The following NRXN3 variants were observed in gnomAD, a reference collection of about 807,000 sequenced individuals.
The protein encoded by NRXN3 is neurexin 3.
In NRXN3, 32 loss-of-function variants were observed where a neutral mutation model predicts 137.6. The ratio of observed to expected loss-of-function variants is 0.23; its 90% CI spans 0.18 to 0.31. The LOEUF (loss-of-function observed/expected upper bound fraction) is 0.31, where lower values mean the gene tolerates loss of function less well. Ranked by LOEUF, NRXN3 falls within the 10% of genes least tolerant of loss-of-function variation. The pLI, the probability that NRXN3 is intolerant of heterozygous loss-of-function variation, is 1.00. For synonymous variants in NRXN3, 798 were observed against 784.5 expected, an observed-to-expected ratio of 1.02 and a Z score of -0.29; for missense variants, 1,574 against 2,062.5, an observed-to-expected ratio of 0.76 and a Z score of 4.59.
At chr14:78,224,245 A>G (rs2064207070) in intron 1 of NRXN3, among the ~76,000 whole-genome samples, 1 of 151,336 alleles carries the variant, frequency 6.6e-6, no homozygotes, top group Non-Finnish European at 1.5e-5. Flanking sequence ...TTGATGAGAC[A>G]TTGTCATACC....
chr14:78,252,568 T>G (rs562360316), intron 2 of NRXN3, among the ~76,000 whole-genome samples: 1 of 152,232 alleles, frequency 6.6e-6, no homozygotes, highest in African/African-American at 2.4e-5. Flanking sequence ...CTGACACTTT[T>G]GCCTCTGATC....
chr14:79,090,166 G>T (rs2048889410), intron 15 of NRXN3, among the ~76,000 whole-genome samples: 5 of 152,126 alleles, frequency 3.3e-5, no homozygotes, highest in Admixed American at 3.3e-4. Context: ...CTAAGGGCTT[G>T]TCTTTCCTGG....
intron 15 of NRXN3, among the ~76,000 whole-genome samples, chr14:79,223,607 A>G (rs2070233549): frequency 1.3e-5 from 2 of 152,124 alleles, no homozygotes; most frequent in South Asian, 4.1e-4. Context: ...TACTCAAATG[A>G]ATGTGGTCTG....
chr14:78,917,564 G>C (rs2099258844), intron 10 of NRXN3, among the ~76,000 whole-genome samples: 1 of 152,184 alleles, frequency 6.6e-6, no homozygotes, highest in African/African-American at 2.4e-5. Context: ...TAGGTGTCAG[G>C]CATCTATAGC....
intron 19 of NRXN3, among the ~76,000 whole-genome samples, chr14:79,699,346 T>C (rs548991700): frequency 6.6e-6 from 1 of 152,182 alleles, no homozygotes; most frequent in Admixed American, 6.6e-5. Context: ...AGGATAGTTC[T>C]GTCTGCACAG....
chr14:78,892,011 G>T (rs1339609046), intron 10 of NRXN3, among the ~76,000 whole-genome samples: 1 of 151,928 alleles, frequency 6.6e-6, no homozygotes, highest in Non-Finnish European at 1.5e-5. Flanking sequence ...GCTCAGTCTT[G>T]TTCTGGTGGC....
chr14:79,111,491 C>G (rs931722033), intron 15 of NRXN3, among the ~76,000 whole-genome samples: 10 of 152,164 alleles, frequency 6.6e-5, no homozygotes, highest in Non-Finnish European at 1.3e-4. Context: ...GTAATCCCAG[C>G]ACCTTGGGAG....
chr14:78,815,479 C>CTATTTTTTTTTTTTTTTTTT (rs2098929309), intron 10 of NRXN3, among the ~76,000 whole-genome samples: 1 of 84,436 alleles, frequency 1.2e-5, no homozygotes, highest in African/African-American at 4.2e-5. Flanking sequence ...TTGTTTCTTT[C>CTATTTTTTTTTTTTTTTTTT]TTTTTTTTTT....
Position 78,481,332 on chromosome 14 carries a change from C to T in NRXN3, c.758-163788C>T, listed in dbSNP as rs80009372. On this transcript the variant is annotated intron_variant, in intron 4 of 20. Coordinates refer to ENST00000335750, the MANE Select transcript of NRXN3 (RefSeq NM_001330195.2). ...AAGTTAACTGTCCACTGTTTTGAAT[C>T]ACAGGGGCTAGGATAGGATTATTTC... is the stretch of plus-strand genomic sequence containing the variant. Among the ~76,000 whole-genome samples, 169 of 152,246 alleles carry T rather than the reference C, an allele frequency of 1.1e-3. 2 individuals are homozygous for T. The highest frequency in any genetic ancestry group is 1.0e-3 in the Non-Finnish European group (71 of 68,006).
At chr14:78,870,088 A>G (rs1385549692) in intron 10 of NRXN3, among the ~76,000 whole-genome samples, 2 of 152,196 alleles carry the variant, frequency 1.3e-5, no homozygotes, top group African/African-American at 4.8e-5. Flanking sequence ...GAAGAACTTA[A>G]TCAGGTATCA....
At chr14:79,406,496 G>T (rs1599820019) in intron 15 of NRXN3, among the ~76,000 whole-genome samples, 2 of 151,780 alleles carry the variant, frequency 1.3e-5, no homozygotes, top group Admixed American at 1.3e-4. Flanking sequence ...TAGAGATGGG[G>T]TTTCACCATG....
intron 7 of NRXN3, among the ~76,000 whole-genome samples, chr14:78,711,487 G>A (rs1251068973): frequency 7.2e-6 from 1 of 138,786 alleles, no homozygotes; most frequent in Admixed American, 7.4e-5. Flanking sequence ...TGCTGCCCAG[G>A]CTGGAGTGCA....
chr14:78,281,836 G>A (rs2074450530), intron 3 of NRXN3, among the ~76,000 whole-genome samples: 1 of 152,184 alleles, frequency 6.6e-6, no homozygotes, highest in South Asian at 2.1e-4. Context: ...GGATCTGTCT[G>A]CCTCCAAAGC....
At chr14:78,184,547 G>A (rs915071099) in intron 1 of NRXN3, among the ~76,000 whole-genome samples, 3 of 152,362 alleles carry the variant, frequency 2.0e-5, no homozygotes, top group Middle Eastern at 3.4e-3. Flanking sequence ...AAGAAAGGGA[G>A]AGAAGCTGTT....
intron 4 of NRXN3, among the ~76,000 whole-genome samples, chr14:78,596,077 G>GGCCCCA (rs2097155713): frequency 6.6e-6 from 1 of 152,114 alleles, no homozygotes; most frequent in Non-Finnish European, 1.5e-5. Flanking sequence ...AGAATTATTT[G>GGCCCCA]GCCCCAGATG....
In NRXN3 at chr14:78,511,892, G is replaced by C. The variant is rs143746901; in HGVS notation, c.758-133228G>C. On this transcript the variant is annotated intron_variant, in intron 4 of 20. Transcript: ENST00000335750. ...TTCCACATGGGACCCACTTCTATGA[G>C]AGCATCAGTCTGTTAGGGTTAAGTC... 3.3e-3 allele frequency among the ~76,000 whole-genome samples: 500 copies of C among 152,224 alleles called. 4 individuals are homozygous for C. The highest frequency in any genetic ancestry group is 0.011 in the African/African-American group (474 of 41,532).
intron 16 of NRXN3, among the ~76,000 whole-genome samples, chr14:79,549,230 C>T (rs562547894): frequency 1.6e-4 from 24 of 152,110 alleles, no homozygotes; most frequent in African/African-American, 5.8e-4. Context: ...ACCTCTTAAC[C>T]TAAAACTAAG....
At chr14:79,216,812 AG>A (rs1361402983) in intron 15 of NRXN3, among the ~76,000 whole-genome samples, 1 of 152,178 alleles carries the variant, frequency 6.6e-6, no homozygotes, top group Non-Finnish European at 1.5e-5. Flanking sequence ...GACCCTATAA[AG>A]GAACACCTGA....
At chr14:78,216,794 G>A (rs191969967) in intron 1 of NRXN3, among the ~76,000 whole-genome samples, 2 of 152,278 alleles carry the variant, frequency 1.3e-5, no homozygotes, top group Non-Finnish European at 1.5e-5. Flanking sequence ...AAGGCTCTAG[G>A]GAAGATTCCT....
Sources: allele counts gnomAD v4.1 joint callset (sites outside exome capture counted in the v4.1 genomes callset), GRCh38; gene constraint gnomAD v4.1.1; transcripts MANE v1.5; gene names NCBI Gene and HGNC (gene_info 2026-07-23, HGNC 2026-07-21).